MSH3: variants seen among roughly 807,000 people sequenced by gnomAD.
MSH3 encodes the protein mutS homolog 3, also known as DNA mismatch repair protein Msh3.
In MSH3, 106 loss-of-function variants were observed where a neutral mutation model predicts 123.3. The observed-to-expected ratio is 0.86, with a 90% CI of 0.73 to 1.01. The LOEUF (loss-of-function observed/expected upper bound fraction) is 1.01. Ranked by LOEUF, MSH3 falls within the 50% of genes least tolerant of loss-of-function variation. The probability of loss-of-function intolerance (pLI) is 0.00; values close to 1 mark genes in which losing one functional copy is unlikely to be tolerated. For synonymous variants in MSH3, 515 were observed against 481.4 expected, an observed-to-expected ratio of 1.07 and a Z score of -0.91; for missense variants, 1,459 against 1,347.6, an observed-to-expected ratio of 1.08 and a Z score of -1.29.
At position 80,744,586 on chromosome 5, in the gene MSH3, G is replaced by T. The variant is rs1580599441; in HGVS notation, c.1734G>T (p.Lys578Asn). 1 of 1,613,588 alleles carries T rather than the reference G, an allele frequency of 6.2e-7. No individual in the cohort carries two copies. The highest frequency in any genetic ancestry group is 8.5e-7 in the Non-Finnish European group (1 of 1,179,696). ...KTSFGRRKLK[K>N]WVTQPLLKLR... ...CATTTGGGAGACGGAAGTTAAAGAA[G>T]TGGGTGACCCAGCCACTCCTTAAAT... Residue 578 changes from lysine (K) to asparagine (N), a missense_variant, in exon 12 of 24, where the codon AAG (lysine) becomes AAT (asparagine). Physicochemically the swap from Lys to Asn is moderately conservative, Grantham distance 94. Coordinates refer to ENST00000265081, the MANE Select transcript of MSH3 (RefSeq NM_002439.5).
chr5:80,778,651 C>T, intron 16 of MSH3, 69 bp from the exon 17 acceptor site: 1 of 865,008 alleles, frequency 1.2e-6, no homozygotes, highest in Non-Finnish European at 2.0e-6. Context: ...AACTAATTTT[C>T]TAAAGTGATG....
At chr5:80,838,716 A>C (rs1431666627) in intron 20 of MSH3, among the ~76,000 whole-genome samples, 1 of 152,098 alleles carries the variant, frequency 6.6e-6, no homozygotes, top group Non-Finnish European at 1.5e-5. Flanking sequence ...TTTTACAGAC[A>C]AGGAAGCTAC....
At chr5:80,788,546 C>T (rs1744554904) in intron 18 of MSH3, among the ~76,000 whole-genome samples, 1 of 151,990 alleles carries the variant, frequency 6.6e-6, no homozygotes, top group Admixed American at 6.6e-5. Context: ...CTTGGTGGCT[C>T]ATGCCTGTAA....
At chr5:80,763,003 TGCCTG>T (rs902258623) in intron 13 of MSH3, among the ~76,000 whole-genome samples, 2 of 151,962 alleles carry the variant, frequency 1.3e-5, no homozygotes, top group African/African-American at 4.8e-5. Flanking sequence ...CCCGCCACTA[TGCCTG>T]GCTAATTTTT....
chr5:80,655,054 G>A, intron 1 of MSH3, 90 bp downstream of exon 1: 2 of 730,910 alleles, frequency 2.7e-6, no homozygotes, highest in Non-Finnish European at 2.1e-6. Context: ...CCCTCCGCCC[G>A]ATGATAGGGC....
chr5:80,690,311 G>A (rs904084838), intron 8 of MSH3, among the ~76,000 whole-genome samples: 2 of 151,914 alleles, frequency 1.3e-5, no homozygotes, highest in Admixed American at 1.3e-4. Flanking sequence ...TTTTGTTGTT[G>A]TTGTTGTTGT....
chr5:80,813,648 A>G lies in MSH3; in HGVS notation c.2720A>G (p.Lys907Arg), dbSNP rs755919951. 5 of 1,614,154 alleles carry G rather than the reference A, an allele frequency of 3.1e-6. No homozygotes were observed. Among genetic ancestry groups the G allele is most frequent in the Non-Finnish European group, 2.5e-6 (3 of 1,180,004 alleles). The change falls in exon 20 of 24, where the codon AAA becomes AGA. Residue 907 changes from lysine (K) to arginine (R), a missense_variant. Physicochemically the swap from Lys to Arg is conservative, Grantham distance 26. Transcript: ENST00000265081. ...PNMGGKSSYI[K>R]QVALITIMAQ... ...ATGGGTGGAAAGAGCTCCTACATAA[A>G]ACAAGTTGCATTGATTACCATCATG...
chr5:80,762,774 TA>T (rs1281735419), intron 13 of MSH3, among the ~76,000 whole-genome samples: 14 of 148,188 alleles, frequency 9.4e-5, no homozygotes, highest in Middle Eastern at 3.5e-3. Flanking sequence ...TATTTTATTT[TA>T]ATTTTTTATT....
At chr5:80,792,672 G>T in intron 18 of MSH3, 61 bp from the exon 19 acceptor site, 2 of 1,010,956 alleles carry the variant, frequency 2.0e-6, no homozygotes, top group South Asian at 1.4e-5. Context: ...TGCTATCTTA[G>T]AGTTTTTTTT....
chr5:80,776,928 ATT>A lies in MSH3; in HGVS notation c.2318+1181_2318+1182del, dbSNP rs551087715. Among the ~76,000 whole-genome samples the A allele has an allele frequency of 9.0e-3, 1,250 of 139,364 alleles. 17 individuals carry two copies. The highest frequency in any genetic ancestry group is 0.03 in the African/African-American group (1,138 of 37,602). The allele number at this position is 139,364 out of a possible 152,430, so 91.4% of individuals were successfully genotyped here. A position where few individuals can be genotyped will look rare whatever the true frequency, so the allele number is the denominator to read the frequency against. On this transcript the variant is annotated intron_variant, in intron 16 of 23. Transcript: ENST00000265081. Reference sequence around the variant, plus strand: ...ATAATACAAATATATATATATATATATTTTTTTTTTTTCTTTTTTTTAAGACA... The same window carrying A: ...ATAATACAAATATATATATATATATATTTTTTTTTTCTTTTTTTTAAGACA...
intron 12 of MSH3, among the ~76,000 whole-genome samples, chr5:80,748,278 T>C (rs748834590): frequency 1.1e-4 from 17 of 152,182 alleles, no homozygotes; most frequent in Non-Finnish European, 2.2e-4. Context: ...GGACCAGGCA[T>C]TCAAGTTTCA....
intron 21 of MSH3, among the ~76,000 whole-genome samples, chr5:80,858,233 A>T (rs1194293704): frequency 6.6e-6 from 1 of 151,766 alleles, no homozygotes; most frequent in Non-Finnish European, 1.5e-5. Flanking sequence ...TTTTTTATAG[A>T]GATTGGGGTC....
chr5:80,832,066 C>T (rs1446492732), intron 20 of MSH3, among the ~76,000 whole-genome samples: 3 of 151,754 alleles, frequency 2.0e-5, no homozygotes, highest in Non-Finnish European at 2.9e-5. Flanking sequence ...GCTGAGATCG[C>T]GCCACTGCAC....
At chr5:80,803,463 T>C (rs1223911582) in intron 19 of MSH3, among the ~76,000 whole-genome samples, 1 of 139,012 alleles carries the variant, frequency 7.2e-6, no homozygotes, top group African/African-American at 2.6e-5. Flanking sequence ...TTGTATAGTC[T>C]GGTTAGCGTT....
intron 8 of MSH3, among the ~76,000 whole-genome samples, chr5:80,689,868 GT>G (rs1025177155): frequency 2.6e-5 from 4 of 152,198 alleles, no homozygotes; most frequent in African/African-American, 9.6e-5. Context: ...AATATGCTGT[GT>G]AAAGGCTCAA....
At chr5:80,779,402 AT>A (rs1200562635) in intron 17 of MSH3, among the ~76,000 whole-genome samples, 4 of 151,754 alleles carry the variant, frequency 2.6e-5, no homozygotes, top group African/African-American at 7.3e-5. Flanking sequence ...TCTCTCATGT[AT>A]TTTTTTTCCT....
At chr5:80,730,847 GA>G (rs1458252769) in intron 10 of MSH3, among the ~76,000 whole-genome samples, 1 of 147,104 alleles carries the variant, frequency 6.8e-6, no homozygotes, top group Non-Finnish European at 1.5e-5. Flanking sequence ...AGAAGCAAAT[GA>G]ATTTGGACCT....
At chr5:80,733,288 A>T (rs955551842) in intron 10 of MSH3, among the ~76,000 whole-genome samples, 1 of 152,192 alleles carries the variant, frequency 6.6e-6, no homozygotes, top group African/African-American at 2.4e-5. Context: ...AAGAGAATGA[A>T]GTTGGACCCT....
At position 80,772,868 on chromosome 5, in the gene MSH3, C is replaced by T. The variant is rs1580039231; in HGVS notation, c.2254-2826C>T. Among the ~76,000 whole-genome samples the T allele has an allele frequency of 2.0e-5, 3 of 152,240 alleles. No individual in the cohort carries two copies. In the South Asian group the frequency reaches 6.2e-4, roughly 32 times the overall value. ...AGGATTGCTGAGTGAGGAAAAGGGACCCTCAGGATCAGTCCAAGGACCAGA... is the reference window on the plus strand; with the variant it reads ...AGGATTGCTGAGTGAGGAAAAGGGATCCTCAGGATCAGTCCAAGGACCAGA... On this transcript the variant is annotated intron_variant, in intron 15 of 23. Coordinates refer to ENST00000265081, the MANE Select transcript of MSH3 (RefSeq NM_002439.5).
Sources: gnomAD v4.1 joint callset for allele counts (sites outside exome capture counted in the v4.1 genomes callset) on GRCh38, gnomAD v4.1.1 for gene constraint, MANE v1.5 for transcripts, NCBI Gene and HGNC (gene_info 2026-07-23, HGNC 2026-07-21) for gene names.